CNBD1: variants seen among roughly 807,000 people sequenced by gnomAD.
CNBD1 encodes cyclic nucleotide-binding domain-containing protein 1.
A neutral mutation model predicts 54.4 loss-of-function variants in CNBD1; 71 were observed. The ratio of observed to expected loss-of-function variants is 1.30; its 90% CI spans 1.08 to 1.59. The LOEUF is 1.59. CNBD1 is among the 40% of genes most tolerant of loss of function. The pLI is 0.00. For synonymous variants in CNBD1, 182 were observed against 170.7 expected, an observed-to-expected ratio of 1.07 and a Z score of -0.51; for missense variants, 659 against 518.0, an observed-to-expected ratio of 1.27 and a Z score of -2.64.
At chr8:87,274,951 T>G (rs1206853425) in intron 6 of CNBD1, among the ~76,000 whole-genome samples, 1 of 134,228 alleles carries the variant, frequency 7.5e-6, no homozygotes, top group Non-Finnish European at 1.6e-5. Context: ...GATTTTTGTA[T>G]AAGGTGTAAG....
intron 3 of CNBD1, among the ~76,000 whole-genome samples, chr8:86,920,383 T>G (rs1809252267): frequency 6.6e-6 from 1 of 152,196 alleles, no homozygotes. Flanking sequence ...GGCTTGTAAC[T>G]TAACCAGGTA....
At chr8:87,376,441 T>C (rs1725047144) in intron 10 of CNBD1, among the ~76,000 whole-genome samples, 1 of 151,920 alleles carries the variant, frequency 6.6e-6, no homozygotes, top group Admixed American at 6.6e-5. Context: ...ACGTTAGGAT[T>C]TCAACCTATG....
intron 4 of CNBD1, among the ~76,000 whole-genome samples, chr8:86,949,275 C>T (rs867676082): frequency 6.6e-6 from 1 of 151,970 alleles, no homozygotes; most frequent in African/African-American, 2.4e-5. Flanking sequence ...TATTTTTTCT[C>T]TTTCTGTGAA....
chr8:87,280,244 A>C (rs190993274), intron 6 of CNBD1, among the ~76,000 whole-genome samples: 2 of 151,728 alleles, frequency 1.3e-5, no homozygotes, highest in African/African-American at 4.8e-5. Flanking sequence ...TTGAGAATGC[A>C]CTTTTTATAA....
In CNBD1 at chr8:87,420,355, C is replaced by T. The variant is rs1217527735; in HGVS notation, c.214-8191C>T. On this transcript the variant is annotated intron_variant, in intron 2 of 7. Coordinates refer to the CNBD1 transcript ENST00000521593. ...GATTTGACATTACTTTTTCAGCTGT[C>T]CTCCTGAGGTCTCTCGGAAGGTACA... 2.0e-5 allele frequency among the ~76,000 whole-genome samples: 3 copies of T among 152,084 alleles called. No individual in the cohort carries two copies. The East Asian group carries it at 5.8e-4, about 29-fold the overall frequency.
intron 3 of CNBD1, among the ~76,000 whole-genome samples, chr8:86,919,667 A>C (rs919746249): frequency 1.3e-5 from 2 of 152,206 alleles, no homozygotes; most frequent in African/African-American, 4.8e-5. Context: ...GCCTCAGGCT[A>C]GTGGCCTCCT....
At chr8:87,001,311 G>A (rs1476530855) in intron 4 of CNBD1, among the ~76,000 whole-genome samples, 4 of 152,210 alleles carry the variant, frequency 2.6e-5, no homozygotes, top group South Asian at 2.1e-4. Context: ...AAGTTAATAA[G>A]TAGGACTCTT....
Position 87,324,519 on chromosome 8 carries a change from G to A in CNBD1, c.1043-27166G>A, listed in dbSNP as rs1346939812. Among the ~76,000 whole-genome samples, 2 of 145,154 alleles carry A rather than the reference G, an allele frequency of 1.4e-5. 1 individual carries two copies. The highest frequency in any genetic ancestry group is 1.4e-4 in the Admixed American group (2 of 14,622). ...CTATTCAGAGATTCAACTTCTTCCT[G>A]GTTTAGTCTTGGGAGAGTGTATGTG... On this transcript the variant is annotated intron_variant, in intron 8 of 10. Transcript: ENST00000518476.
intron 8 of CNBD1, among the ~76,000 whole-genome samples, chr8:87,323,256 T>C (rs958318035): frequency 1.9e-5 from 2 of 106,944 alleles, no homozygotes; most frequent in Non-Finnish European, 4.0e-5. Context: ...CCAGCTTTGT[T>C]CTTTTGGCTT....
At chr8:87,338,359 G>T (rs1328727273) in intron 8 of CNBD1, among the ~76,000 whole-genome samples, 1 of 151,990 alleles carries the variant, frequency 6.6e-6, no homozygotes, top group Non-Finnish European at 1.5e-5. Context: ...TTGCAAGGCA[G>T]GTCTGACAGC....
Position 86,975,384 on chromosome 8 carries a change from C to T in CNBD1, c.431+35630C>T, listed in dbSNP as rs1250450542. Among the ~76,000 whole-genome samples the T allele has an allele frequency of 8.5e-5, 13 of 152,050 alleles. No homozygotes were observed. The East Asian group carries it at 2.1e-3, about 25-fold the overall frequency. On this transcript the variant is annotated intron_variant, in intron 4 of 10. Coordinates refer to ENST00000518476, the MANE Select transcript of CNBD1 (RefSeq NM_173538.3). The stretch of plus-strand genomic sequence containing the variant: ...AACATCTCTTCCTGTCTACCACTGT[C>T]CCCATCCCCACCTTCAGCTTCCAGT...
At chr8:87,237,953 C>A (rs1332786487) in intron 6 of CNBD1, among the ~76,000 whole-genome samples, 2 of 152,040 alleles carry the variant, frequency 1.3e-5, no homozygotes, top group Non-Finnish European at 2.9e-5. Flanking sequence ...GGATGGAAAA[C>A]AATGCATTTG....
chr8:87,411,063 T>A (rs1428851028), intron 2 of CNBD1, among the ~76,000 whole-genome samples: 1 of 152,034 alleles, frequency 6.6e-6, no homozygotes, highest in Non-Finnish European at 1.5e-5. Flanking sequence ...CCAAAATTTG[T>A]GTGACTCGCT....
chr8:86,919,766 A>G (rs1285357431), intron 3 of CNBD1, among the ~76,000 whole-genome samples: 7 of 152,226 alleles, frequency 4.6e-5, no homozygotes, highest in Admixed American at 4.6e-4. Flanking sequence ...AATGACAGAA[A>G]GCTGACTTTG....
At chr8:87,379,679 A>T (rs989042613) in intron 10 of CNBD1, among the ~76,000 whole-genome samples, 1 of 152,018 alleles carries the variant, frequency 6.6e-6, no homozygotes, top group African/African-American at 2.4e-5. Context: ...ATGATGAAAC[A>T]TTATTGCACT....
chr8:87,238,557 A>C (rs1021398116), intron 6 of CNBD1, among the ~76,000 whole-genome samples: 21 of 152,266 alleles, frequency 1.4e-4, no homozygotes, highest in Middle Eastern at 6.8e-3. Flanking sequence ...CCCTAGCCTT[A>C]GCATAAAATA....
chr8:87,333,433 G>T (rs937731601), intron 8 of CNBD1, among the ~76,000 whole-genome samples: 3 of 152,130 alleles, frequency 2.0e-5, no homozygotes, highest in African/African-American at 7.2e-5. Context: ...TGGTGAGAGA[G>T]GGCATCCCTG....
chr8:86,942,180 A>T (rs1342417013), intron 4 of CNBD1, among the ~76,000 whole-genome samples: 2 of 152,220 alleles, frequency 1.3e-5, no homozygotes, highest in Non-Finnish European at 2.9e-5. Flanking sequence ...AACTATTAAT[A>T]GTAAGTAAAA....
chr8:87,023,343 T>C (rs950149814), intron 4 of CNBD1, among the ~76,000 whole-genome samples: 46 of 152,326 alleles, frequency 3.0e-4, no homozygotes, highest in African/African-American at 1.0e-3. Context: ...CCTTTAAATT[T>C]GAAATATGTA....
Sources: allele counts gnomAD v4.1 joint callset (sites outside exome capture counted in the v4.1 genomes callset), GRCh38; gene constraint gnomAD v4.1.1; transcripts MANE v1.5; gene names NCBI Gene and HGNC (gene_info 2026-07-23, HGNC 2026-07-21).